TMPRSS11F: variants seen among roughly 807,000 people sequenced by gnomAD.
TMPRSS11F encodes transmembrane protease serine 11F.
A neutral mutation model predicts 60.2 loss-of-function variants in TMPRSS11F; 47 were observed. The observed-to-expected ratio is 0.78, with a 90% CI of 0.62 to 1.00. The LOEUF (loss-of-function observed/expected upper bound fraction) is 1.00. Ranked by LOEUF, TMPRSS11F falls within the 50% of genes least tolerant of loss-of-function variation. TMPRSS11F has a pLI of 0.00. For missense variants in TMPRSS11F, 519 were observed against 522.9 expected (o/e 0.99, Z 0.07); for synonymous variants, 166 against 167.3 (o/e 0.99, Z 0.06).
chr4:68,077,290 T>G (rs1173906648), intron 3 of TMPRSS11F: 1 of 152,296 alleles, frequency 6.6e-6, no homozygotes, highest in Non-Finnish European at 1.5e-5. Context: ...GGAAAAGAAG[T>G]GCAGAAAGGA....
rs1208995101 is a variant in TMPRSS11F at position 68,059,447 on chromosome 4, C to T, written c.1037G>A (p.Arg346Gln). ...VDDGPIQNTL[R>Q]QARVETISTD... Reference sequence around the variant, plus strand: ...GCTTATGGTTTCCACTCTGGCTTGCCGAAGTGTATTTTGTATAGGTCCTAT... The same window carrying T: ...GCTTATGGTTTCCACTCTGGCTTGCTGAAGTGTATTTTGTATAGGTCCTAT... The change falls in exon 9 of 10, where the codon CGG becomes CAG. Residue 346 changes from arginine to glutamine, a missense_variant. Coordinates refer to ENST00000356291, the MANE Select transcript of TMPRSS11F (RefSeq NM_207407.2). 2.5e-6 allele frequency: 4 copies of T among 1,612,692 alleles called. No homozygotes were observed. Among genetic ancestry groups the T allele is most frequent in the South Asian group, 1.1e-5 (1 of 90,960 alleles).
At chr4:68,087,848 T>A (rs1270055728) in intron 3 of TMPRSS11F, among the ~76,000 whole-genome samples, 3 of 148,988 alleles carry the variant, frequency 2.0e-5, no homozygotes, top group Non-Finnish European at 4.5e-5. Flanking sequence ...TAGGTATATC[T>A]CCCAGTGCTA....
intron 2 of TMPRSS11F, among the ~76,000 whole-genome samples, chr4:68,096,394 T>C (rs1376769094): frequency 6.6e-6 from 1 of 152,206 alleles, no homozygotes; most frequent in African/African-American, 2.4e-5. Context: ...AAGCATTTAA[T>C]AGTCAATTAA....
At chr4:68,126,596 C>T (rs1724717887) in intron 1 of TMPRSS11F, among the ~76,000 whole-genome samples, 1 of 152,148 alleles carries the variant, frequency 6.6e-6, no homozygotes, top group Non-Finnish European at 1.5e-5. Context: ...CCTCTTTTCT[C>T]AGTATCTGTT....
intron 3 of TMPRSS11F, among the ~76,000 whole-genome samples, chr4:68,085,120 A>C (rs1723786762): frequency 1.5e-5 from 2 of 137,098 alleles, no homozygotes; most frequent in Admixed American, 1.5e-4. Flanking sequence ...ACATTTTCTT[A>C]ATCCAGTCTA....
chr4:68,126,236 CAT>C (rs1270686905), intron 1 of TMPRSS11F, among the ~76,000 whole-genome samples: 3 of 152,018 alleles, frequency 2.0e-5, no homozygotes, highest in African/African-American at 7.2e-5. Context: ...TATACAAACA[CAT>C]ATGTCTACAT....
intron 8 of TMPRSS11F, among the ~76,000 whole-genome samples, chr4:68,063,870 C>A (rs1364059719): frequency 6.6e-6 from 1 of 152,030 alleles, no homozygotes; most frequent in African/African-American, 2.4e-5. Context: ...TGTTTATGAT[C>A]ATCATAAATT....
At chr4:68,112,246 C>T (rs1724421466) in intron 1 of TMPRSS11F, among the ~76,000 whole-genome samples, 1 of 151,968 alleles carries the variant, frequency 6.6e-6, no homozygotes. Context: ...TTGAACATGC[C>T]CCCACACTTA....
intron 2 of TMPRSS11F, among the ~76,000 whole-genome samples, chr4:68,095,085 T>C (rs1189190465): frequency 1.3e-5 from 2 of 151,834 alleles, no homozygotes; most frequent in Non-Finnish European, 2.9e-5. Flanking sequence ...TGTTATTTTA[T>C]TCATTAATCT....
intron 2 of TMPRSS11F, among the ~76,000 whole-genome samples, chr4:68,094,017 G>A (rs113082803): frequency 0.16 from 13,136 of 83,908 alleles, 944 homozygotes; most frequent in Non-Finnish European, 0.21. Flanking sequence ...TAGAACTAGA[G>A]ATACCATTTG....
intron 6 of TMPRSS11F, among the ~76,000 whole-genome samples, chr4:68,069,104 A>G (rs1723398481): frequency 6.6e-6 from 1 of 152,218 alleles, no homozygotes; most frequent in African/African-American, 2.4e-5. Context: ...ATCCTCTGCT[A>G]TGTGTCTTAG....
At chr4:68,068,448 T>C (rs78055337) in intron 7 of TMPRSS11F, among the ~76,000 whole-genome samples, 170 bp downstream of exon 7, 6,196 of 152,138 alleles carry the variant, frequency 0.041, 374 homozygotes, top group African/African-American at 0.13. Context: ...TGACAAAAAC[T>C]AACCATCATA....
intron 3 of TMPRSS11F, among the ~76,000 whole-genome samples, chr4:68,074,500 G>C (rs1310941790): frequency 7.9e-5 from 12 of 152,176 alleles, no homozygotes; most frequent in Admixed American, 7.9e-4. Context: ...ATCTCATCCA[G>C]TATTGATAGA....
In TMPRSS11F at chr4:68,098,834, A is replaced by C. The variant is rs567967050; in HGVS notation, c.163+53T>G. On this transcript the variant is annotated intron_variant, in intron 2 of 9. Transcript: ENST00000356291. ...ACTTTTTATACAACAGAAAATTTCA[A>C]GATACGAAGTCATGGAGTACTTAGG... The C allele has an allele frequency of 1.6e-5, 24 of 1,495,048 alleles. No homozygotes were observed. The South Asian group carries it at 3.0e-4, about 19-fold the overall frequency. The allele number at this position is 1,495,048 out of a possible 1,614,324, so 92.6% of individuals were successfully genotyped here.
chr4:68,066,887 T>C (rs1723340284), intron 7 of TMPRSS11F, among the ~76,000 whole-genome samples: 1 of 146,074 alleles, frequency 6.8e-6, no homozygotes, highest in African/African-American at 2.6e-5. Context: ...TGAGCTGAGA[T>C]AGTGCCACTG....
chr4:68,054,870 A>G (rs1723008356), intron 9 of TMPRSS11F, among the ~76,000 whole-genome samples: 1 of 152,204 alleles, frequency 6.6e-6, no homozygotes, highest in Admixed American at 6.5e-5. Flanking sequence ...AACAACAACA[A>G]CAACAATATT....
chr4:68,089,168 G>T (rs1054188019), intron 3 of TMPRSS11F, among the ~76,000 whole-genome samples: 1 of 152,072 alleles, frequency 6.6e-6, no homozygotes, highest in Admixed American at 6.6e-5. Flanking sequence ...AATGATTTTC[G>T]ATTTAAAGTT....
At chr4:68,113,937 A>AT in intron 1 of TMPRSS11F, among the ~76,000 whole-genome samples, 1 of 152,280 alleles carries the variant, frequency 6.6e-6, no homozygotes, top group East Asian at 1.9e-4. Flanking sequence ...ATGTTCTTCG[A>AT]TTTTAAAAGA....
chr4:68,129,463 C>T (rs1019336602), intron 1 of TMPRSS11F, among the ~76,000 whole-genome samples: 4 of 151,996 alleles, frequency 2.6e-5, no homozygotes, highest in African/African-American at 7.2e-5. Flanking sequence ...GTATACCATG[C>T]TATGGAACAT....
Sources: gnomAD v4.1 joint callset for allele counts (sites outside exome capture counted in the v4.1 genomes callset) on GRCh38, gnomAD v4.1.1 for gene constraint, MANE v1.5 for transcripts, NCBI Gene and HGNC (gene_info 2026-07-23, HGNC 2026-07-21) for gene names.